Variants in GNA14 observed in about 807,000 individuals in gnomAD.
The protein encoded by GNA14 is G protein subunit alpha 14.
A neutral mutation model predicts 42.0 loss-of-function variants in GNA14; 50 were observed. The ratio of observed to expected loss-of-function variants is 1.19; its 90% CI spans 0.95 to 1.51. The LOEUF (loss-of-function observed/expected upper bound fraction) is 1.51. Among genes scored for constraint, GNA14 ranks in the 40% most tolerant of loss-of-function variants. GNA14 has a pLI of 0.00. For synonymous variants in GNA14, 173 were observed against 163.1 expected, an observed-to-expected ratio of 1.06 and a Z score of -0.46; for missense variants, 473 against 446.2, an observed-to-expected ratio of 1.06 and a Z score of -0.54.
chr9:77,565,519 A>C (rs1822953868), intron 1 of GNA14, among the ~76,000 whole-genome samples: 1 of 152,110 alleles, frequency 6.6e-6, no homozygotes, highest in Non-Finnish European at 1.5e-5. Flanking sequence ...GTGCAGTGGC[A>C]CAATCTCGGC....
intron 2 of GNA14, among the ~76,000 whole-genome samples, chr9:77,500,873 A>C (rs779523849): frequency 5.3e-5 from 8 of 152,188 alleles, no homozygotes; most frequent in Non-Finnish European, 1.0e-4. Context: ...GGCTATAAAC[A>C]TTTGTGTACA....
intron 1 of GNA14, among the ~76,000 whole-genome samples, chr9:77,603,956 C>CAA (rs67044542): frequency 0.01 from 855 of 81,600 alleles, no homozygotes; most frequent in Non-Finnish European, 0.014. Context: ...AAAAAAAAAA[C>CAA]AAAAAAAAAA....
In GNA14 at chr9:77,484,886, T is replaced by A. The variant is rs551721760; in HGVS notation, c.309+44183A>T. Among the ~76,000 whole-genome samples, 6 of 152,362 alleles carry A rather than the reference T, an allele frequency of 3.9e-5. No homozygotes were observed. In the South Asian group the frequency reaches 1.0e-3, roughly 26 times the overall value. Reference sequence around the variant, plus strand: ...ATTATATCTAAAAAAACACTGTACGTACCTTACTTGAAAAATATTTTATTT... The same window carrying A: ...ATTATATCTAAAAAAACACTGTACGAACCTTACTTGAAAAATATTTTATTT... On this transcript the variant is annotated intron_variant, in intron 2 of 6. Transcript: ENST00000341700.
chr9:77,570,996 C>A (rs976611338), intron 1 of GNA14, among the ~76,000 whole-genome samples: 1 of 152,040 alleles, frequency 6.6e-6, no homozygotes, highest in African/African-American at 2.4e-5. Context: ...GCTAGGCATA[C>A]CTTACTTAAT....
At chr9:77,497,452 T>G (rs755120816) in intron 2 of GNA14, among the ~76,000 whole-genome samples, 1 of 152,146 alleles carries the variant, frequency 6.6e-6, no homozygotes, top group Non-Finnish European at 1.5e-5. Flanking sequence ...TTGATTTACC[T>G]ATAAAATGAA....
intron 1 of GNA14, among the ~76,000 whole-genome samples, chr9:77,560,517 T>A (rs1377628087): frequency 6.6e-6 from 1 of 152,128 alleles, no homozygotes; most frequent in Non-Finnish European, 1.5e-5. Context: ...GGTTTTCCCA[T>A]GTTGCCCAGG....
At chr9:77,480,146 C>T (rs1287288855) in intron 2 of GNA14, among the ~76,000 whole-genome samples, 2 of 152,042 alleles carry the variant, frequency 1.3e-5, no homozygotes, top group Admixed American at 6.6e-5. Context: ...AAAGGGAATG[C>T]TTCCAGTTTT....
chr9:77,644,051 T>G (rs1290869259), intron 1 of GNA14, among the ~76,000 whole-genome samples: 2 of 152,208 alleles, frequency 1.3e-5, no homozygotes, highest in Non-Finnish European at 2.9e-5. Context: ...AAAGTTTTTA[T>G]GTTGAAATCC....
intron 3 of GNA14, among the ~76,000 whole-genome samples, chr9:77,433,394 TC>T (rs1835589347): frequency 6.6e-6 from 1 of 151,816 alleles, no homozygotes; most frequent in Non-Finnish European, 1.5e-5. Context: ...ATTTACATTT[TC>T]TTTTTTTTTG....
intron 2 of GNA14, among the ~76,000 whole-genome samples, chr9:77,444,039 G>C (rs978942903): frequency 6.6e-6 from 1 of 152,168 alleles, no homozygotes; most frequent in African/African-American, 2.4e-5. Flanking sequence ...AGGCTCCTAT[G>C]ATAAAATACT....
chr9:77,425,859 G>GC, intron 5 of GNA14, 144 bp from the exon 6 acceptor site: 4 of 657,600 alleles, frequency 6.1e-6, no homozygotes, highest in Non-Finnish European at 7.8e-6. Context: ...AGCATGTGGG[G>GC]CCCCAGGCTA....
At chr9:77,561,805 A>G (rs1211260743) in intron 1 of GNA14, among the ~76,000 whole-genome samples, 1 of 152,206 alleles carries the variant, frequency 6.6e-6, no homozygotes, top group African/African-American at 2.4e-5. Flanking sequence ...AAAACCTAGG[A>G]AGCTAGAAAT....
chr9:77,431,499 A>T, intron 3 of GNA14, 50 bp from the exon 4 acceptor site: 1 of 1,548,542 alleles, frequency 6.5e-7, no homozygotes. Context: ...GCAGGGGGAA[A>T]TGTCCATCCT....
chr9:77,541,865 T>C (rs532148171), intron 1 of GNA14, among the ~76,000 whole-genome samples: 5 of 152,264 alleles, frequency 3.3e-5, no homozygotes, highest in African/African-American at 1.2e-4. Context: ...TTTAATAAAC[T>C]CTCTAATTCC....
At chr9:77,454,073 G>A (rs991013646) in intron 2 of GNA14, among the ~76,000 whole-genome samples, 2 of 152,212 alleles carry the variant, frequency 1.3e-5, no homozygotes, top group Non-Finnish European at 2.9e-5. Flanking sequence ...TGCAGCATCC[G>A]ATCTCTTCAA....
At chr9:77,615,888 C>T (rs1014317704) in intron 1 of GNA14, among the ~76,000 whole-genome samples, 2 of 151,494 alleles carry the variant, frequency 1.3e-5, no homozygotes, top group Admixed American at 1.3e-4. Flanking sequence ...GGAGAAATCC[C>T]AAAGTAGATA....
intron 2 of GNA14, among the ~76,000 whole-genome samples, chr9:77,504,018 G>C (rs1438014880): frequency 6.6e-6 from 1 of 152,082 alleles, no homozygotes; most frequent in African/African-American, 2.4e-5. Flanking sequence ...GCAACAGATG[G>C]AATGTGTTTA....
At chr9:77,540,343 A>G (rs772802069) in intron 1 of GNA14, among the ~76,000 whole-genome samples, 6 of 152,232 alleles carry the variant, frequency 3.9e-5, no homozygotes, top group Non-Finnish European at 7.4e-5. Flanking sequence ...AAATAACAGT[A>G]TAATTTTGAT....
intron 2 of GNA14, among the ~76,000 whole-genome samples, chr9:77,459,859 C>T (rs949584132): frequency 2.0e-5 from 3 of 152,134 alleles, no homozygotes; most frequent in African/African-American, 7.2e-5. Flanking sequence ...CATCTCTCGC[C>T]CACCCTCTGC....
Sources: gnomAD v4.1 joint callset for allele counts (sites outside exome capture counted in the v4.1 genomes callset) on GRCh38, gnomAD v4.1.1 for gene constraint, MANE v1.5 for transcripts, NCBI Gene and HGNC (gene_info 2026-07-23, HGNC 2026-07-21) for gene names.